ROBO1: variants seen among roughly 807,000 people sequenced by gnomAD.
ROBO1 encodes roundabout guidance receptor 1, also known as roundabout homolog 1.
A neutral mutation model predicts 195.9 loss-of-function variants in ROBO1; 149 were observed. The ratio of observed to expected loss-of-function variants is 0.76; its 90% CI spans 0.67 to 0.87. ROBO1 has a LOEUF of 0.87. Ranked by LOEUF, ROBO1 falls within the 40% of genes least tolerant of loss-of-function variation. The pLI, the probability that ROBO1 is intolerant of heterozygous loss-of-function variation, is 0.00. For missense variants in ROBO1, 1,933 were observed against 2,068.3 expected, an observed-to-expected ratio of 0.93 and a Z score of 1.27; for synonymous variants, 816 against 733.2, an observed-to-expected ratio of 1.11 and a Z score of -1.82.
Position 79,125,502 on chromosome 3 carries a change from C to T in ROBO1, c.126G>A (p.Thr42=). ...EDVERGNDHG[T]PIPTSDNDDN... Reference sequence around the variant, plus strand: ...CATCGTTATCAGAGGTGGGGATTGGCGTCCCGTGGTCGTTCCCCCTCTCTA... The same window carrying T: ...CATCGTTATCAGAGGTGGGGATTGGTGTCCCGTGGTCGTTCCCCCTCTCTA... Residue 42 remains threonine, a synonymous_variant, in exon 3 of 31, where the codon ACG becomes ACA. Coordinates refer to ENST00000464233, the MANE Select transcript of ROBO1 (RefSeq NM_002941.4). 1 of 1,613,612 alleles carries T rather than the reference C, an allele frequency of 6.2e-7. No individual in the cohort carries two copies. The highest frequency in any genetic ancestry group is 8.5e-7 in the Non-Finnish European group (1 of 1,179,720).
chr3:79,197,951 G>A (rs1362288701), intron 2 of ROBO1, among the ~76,000 whole-genome samples: 1 of 151,512 alleles, frequency 6.6e-6, no homozygotes, highest in Non-Finnish European at 1.5e-5. Flanking sequence ...TTTGTCAGAT[G>A]GGTAGATTGC....
intron 4 of ROBO1, among the ~76,000 whole-genome samples, chr3:78,921,943 T>C (rs768753404): frequency 2.0e-5 from 3 of 152,070 alleles, no homozygotes; most frequent in South Asian, 2.1e-4. Context: ...TGCACCACCA[T>C]GCCCAGCTAT....
intron 2 of ROBO1, among the ~76,000 whole-genome samples, chr3:79,570,618 C>T (rs1385460304): frequency 2.0e-5 from 3 of 151,908 alleles, no homozygotes; most frequent in Admixed American, 6.6e-5. Flanking sequence ...AGTAGAAAGA[C>T]AAAAATGCAA....
chr3:79,714,484 C>T (rs1372671546), intron 1 of ROBO1, among the ~76,000 whole-genome samples: 1 of 152,040 alleles, frequency 6.6e-6, no homozygotes, highest in African/African-American at 2.4e-5. Context: ...TTTGAACCAG[C>T]CATCCCATTA....
chr3:79,351,204 T>C (rs1022100954), intron 2 of ROBO1, among the ~76,000 whole-genome samples: 2 of 152,216 alleles, frequency 1.3e-5, no homozygotes, highest in Admixed American at 1.3e-4. Flanking sequence ...AAATTTGGCT[T>C]TATAGTTTTA....
chr3:79,388,015 G>A (rs576774734), intron 2 of ROBO1, among the ~76,000 whole-genome samples: 1 of 152,246 alleles, frequency 6.6e-6, no homozygotes, highest in East Asian at 1.9e-4. Flanking sequence ...GGTGCCTGAT[G>A]CGTATTTGTT....
At chr3:79,163,559 G>A (rs1201893980) in intron 2 of ROBO1, among the ~76,000 whole-genome samples, 5 of 152,088 alleles carry the variant, frequency 3.3e-5, no homozygotes, top group Admixed American at 1.3e-4. Flanking sequence ...TGGAATTGGT[G>A]CATCATATGG....
intron 1 of ROBO1, among the ~76,000 whole-genome samples, chr3:79,679,706 A>T (rs1302893604): frequency 6.6e-6 from 1 of 152,038 alleles, no homozygotes; most frequent in Non-Finnish European, 1.5e-5. Context: ...TGTAGTGCAG[A>T]GACAGCAAAT....
At chr3:79,027,094 AG>A (rs2078215463) in intron 3 of ROBO1, among the ~76,000 whole-genome samples, 1 of 152,136 alleles carries the variant, frequency 6.6e-6, no homozygotes, top group Admixed American at 6.5e-5. Context: ...AGTATGAGCA[AG>A]AAGAAAGTCT....
intron 2 of ROBO1, among the ~76,000 whole-genome samples, chr3:79,580,225 A>G (rs1284132797): frequency 1.3e-5 from 2 of 152,036 alleles, no homozygotes; most frequent in African/African-American, 2.4e-5. Context: ...TAATCCCAGC[A>G]CTTTGAGAGG....
At chr3:78,886,368 G>A (rs1332864650) in intron 4 of ROBO1, among the ~76,000 whole-genome samples, 1 of 151,990 alleles carries the variant, frequency 6.6e-6, no homozygotes, top group African/African-American at 2.4e-5. Context: ...AGGCCGAGGC[G>A]GGTGGATCCC....
intron 2 of ROBO1, among the ~76,000 whole-genome samples, chr3:79,306,972 G>A (rs1426580460): frequency 6.6e-6 from 1 of 151,280 alleles, no homozygotes; most frequent in Non-Finnish European, 1.5e-5. Flanking sequence ...TCTTTTCTCT[G>A]TTGTAGAAAT....
chr3:78,809,544 T>C (rs188159157), intron 4 of ROBO1, among the ~76,000 whole-genome samples: 2 of 152,156 alleles, frequency 1.3e-5, no homozygotes, highest in East Asian at 3.9e-4. Context: ...TGCACAAATA[T>C]GTTTATTGAA....
At chr3:79,493,615 GTTTT>G (rs1197677703) in intron 2 of ROBO1, among the ~76,000 whole-genome samples, 1 of 151,838 alleles carries the variant, frequency 6.6e-6, no homozygotes, top group Non-Finnish European at 1.5e-5. Flanking sequence ...TTGAAAAAAG[GTTTT>G]TTATTTTATT....
At chr3:78,866,243 C>G (rs1242951353) in intron 4 of ROBO1, among the ~76,000 whole-genome samples, 1 of 152,128 alleles carries the variant, frequency 6.6e-6, no homozygotes, top group Non-Finnish European at 1.5e-5. Flanking sequence ...GAATAACAAT[C>G]ATTTGTCAAT....
At chr3:79,583,031 C>G (rs1049292509) in intron 2 of ROBO1, among the ~76,000 whole-genome samples, 3 of 151,958 alleles carry the variant, frequency 2.0e-5, no homozygotes, top group African/African-American at 7.2e-5. Flanking sequence ...CAAGTTTTTA[C>G]TCTGGGTTCT....
At chr3:79,607,837 C>G (rs1032233423) in intron 1 of ROBO1, among the ~76,000 whole-genome samples, 39 of 151,982 alleles carry the variant, frequency 2.6e-4, no homozygotes, top group Non-Finnish European at 4.0e-4. Context: ...AGAGAGGATG[C>G]ATTTAATTGA....
intron 1 of ROBO1, among the ~76,000 whole-genome samples, chr3:79,756,671 T>A (rs1704422999): frequency 6.6e-6 from 1 of 152,106 alleles, no homozygotes; most frequent in African/African-American, 2.4e-5. Context: ...AATATATGTA[T>A]GCCTTTAACC....
intron 3 of ROBO1, among the ~76,000 whole-genome samples, chr3:79,057,576 C>A (rs180975370): frequency 7.2e-5 from 11 of 152,198 alleles, no homozygotes; most frequent in Admixed American, 7.2e-4. Context: ...AATTACCTTT[C>A]TTTTTCTCCT....
Sources: allele counts gnomAD v4.1 joint callset (sites outside exome capture counted in the v4.1 genomes callset), GRCh38; gene constraint gnomAD v4.1.1; transcripts MANE v1.5; gene names NCBI Gene and HGNC (gene_info 2026-07-23, HGNC 2026-07-21).